Variants in TUB observed in about 807,000 individuals in gnomAD.
TUB encodes TUB bipartite transcription factor, also known as tubby protein homolog.
TUB carries 33 observed loss-of-function variants against 59.7 expected under a neutral mutation model. The ratio of observed to expected loss-of-function variants is 0.55; its 90% confidence interval spans 0.42 to 0.74. The LOEUF is 0.74. Among genes scored for constraint, TUB ranks in the 30% least tolerant of loss-of-function variants. TUB has a pLI of 0.00. For missense variants in TUB, 659 were observed against 672.0 expected, an observed-to-expected ratio of 0.98 and a Z score of 0.21; for synonymous variants, 293 against 256.4, an observed-to-expected ratio of 1.14 and a Z score of -1.36.
intron 2 of TUB, 119 bp from the exon 3 acceptor site, chr11:8,089,950 G>T: frequency 7.2e-7 from 1 of 1,379,970 alleles, no homozygotes. Context: ...TGGACCCCAA[G>T]TGTTGGGGTG....
At chr11:8,092,467 G>A (rs755462583) in intron 3 of TUB, among the ~76,000 whole-genome samples, 6 of 152,252 alleles carry the variant, frequency 3.9e-5, no homozygotes, top group African/African-American at 1.4e-4. Flanking sequence ...TGTGACTGGG[G>A]CAAGCCATTT....
At chr11:8,055,760 C>T (rs759574098) in intron 2 of TUB, among the ~76,000 whole-genome samples, 1 of 152,232 alleles carries the variant, frequency 6.6e-6, no homozygotes, top group Non-Finnish European at 1.5e-5. Flanking sequence ...GCCTCTGCCA[C>T]CGCCTCAGTC....
intron 2 of TUB, 109 bp downstream of exon 2, chr11:8,089,770 T>C: frequency 7.0e-7 from 1 of 1,420,664 alleles, no homozygotes; most frequent in Non-Finnish European, 9.9e-7. Context: ...GATTGGGGGA[T>C]GGGATTCCCA....
chr11:8,052,008 G>T (rs188799572), intron 2 of TUB, among the ~76,000 whole-genome samples: 95 of 152,268 alleles, frequency 6.2e-4, no homozygotes, highest in African/African-American at 2.2e-3. Flanking sequence ...TACTATTTCT[G>T]TACTGCATTG....
Position 8,046,852 on chromosome 11 carries a change from G to A in TUB, c.203+7160G>A, listed in dbSNP as rs560482250. Reference sequence around the variant, plus strand: ...TTTTTGGCTTCCTTGGGCCACATTGGAAGAAGAAAAATTGTCTTGGGCCAC... The same window carrying A: ...TTTTTGGCTTCCTTGGGCCACATTGAAAGAAGAAAAATTGTCTTGGGCCAC... On this transcript the variant is annotated intron_variant, in intron 2 of 12. Coordinates refer to the TUB transcript ENST00000305253. 2.6e-3 allele frequency among the ~76,000 whole-genome samples: 400 copies of A among 152,282 alleles called. 3 individuals carry two copies. Among genetic ancestry groups the A allele is most frequent in the Non-Finnish European group, 4.4e-3 (296 of 68,032 alleles).
intron 2 of TUB, among the ~76,000 whole-genome samples, chr11:8,059,509 C>G (rs559392987): frequency 6.6e-6 from 1 of 151,946 alleles, no homozygotes. Context: ...GGGTGGTGCC[C>G]GGGAGTATGC....
At chr11:8,081,090 C>T (rs1266463544), upstream of TUB, among the ~76,000 whole-genome samples, 1 of 132,272 alleles carries the variant, frequency 7.6e-6, no homozygotes, top group African/African-American at 2.8e-5. Context: ...TGGATCGCGA[C>T]GATTTCGGGG....
intron 1 of TUB, among the ~76,000 whole-genome samples, chr11:8,024,941 G>A (rs1942480275): frequency 6.6e-6 from 1 of 152,204 alleles, no homozygotes; most frequent in African/African-American, 2.4e-5. Context: ...TTAAATTATT[G>A]CTTATATGGC....
chr11:8,101,612 G>A lies in TUB; in HGVS notation c.1514G>A (p.Cys505Tyr). 1 of 1,614,222 alleles carries A rather than the reference G, an allele frequency of 6.2e-7. No individual in the cohort carries two copies. Among genetic ancestry groups the A allele is most frequent in the Non-Finnish European group, 8.5e-7 (1 of 1,180,022 alleles). ...ALSSFDSKLA[C>Y]E ...TCCAGCTTCGACAGCAAGCTGGCGT[G>A]CGAGTAGAGGCCTCTTCGTGCCCTT... Residue 505 changes from cysteine (C) to tyrosine (Y), a missense_variant, in exon 12 of 12, where the codon TGC becomes TAC. Cys to Tyr is a radical substitution (Grantham distance 194). Transcript: ENST00000299506.
intron 2 of TUB, among the ~76,000 whole-genome samples, chr11:8,074,833 G>C (rs573949701): frequency 4.2e-4 from 53 of 125,158 alleles, no homozygotes; most frequent in Admixed American, 1.3e-3. Flanking sequence ...TACAACCTCC[G>C]CCTCCCGGGT....
intron 2 of TUB, among the ~76,000 whole-genome samples, chr11:8,071,835 A>G (rs1349640941): frequency 6.6e-6 from 1 of 152,236 alleles, no homozygotes; most frequent in Non-Finnish European, 1.5e-5. Context: ...CCACTGGGGA[A>G]GAGAGACCTC....
Position 8,101,739 on chromosome 11 carries a change from C to T in TUB, c.*120C>T, listed in dbSNP as rs1218093426. ...TTCCGCCAGATGAAGCTTTGGCCCT[C>T]AGTGGGCTCCCTGGCCCAGCCAGCC... On this transcript the variant is annotated 3_prime_UTR_variant, in exon 12 of 12. Coordinates refer to ENST00000299506, the MANE Select transcript of TUB (RefSeq NM_177972.3). The T allele has an allele frequency of 6.9e-7, 1 of 1,451,482 alleles. No individual in the cohort carries two copies. The allele number at this position is 1,451,482 out of a possible 1,614,324, so 89.9% of individuals were successfully genotyped here.
intron 9 of TUB, 87 bp from the exon 10 acceptor site, chr11:8,100,416 G>C: frequency 9.7e-7 from 1 of 1,027,062 alleles, no homozygotes; most frequent in Non-Finnish European, 1.5e-6. Flanking sequence ...GTGGGAACTA[G>C]CTCTTCCTCT....
chr11:8,090,703 C>T (rs1943755177), intron 3 of TUB, among the ~76,000 whole-genome samples: 1 of 152,196 alleles, frequency 6.6e-6, no homozygotes, highest in Non-Finnish European at 1.5e-5. Context: ...CTCTCTCTGG[C>T]TCACAACTCC....
At chr11:8,083,570 G>A (rs927414332) in intron 1 of TUB, among the ~76,000 whole-genome samples, 5 of 152,098 alleles carry the variant, frequency 3.3e-5, no homozygotes, top group Non-Finnish European at 7.4e-5. Context: ...GAGTGATTTG[G>A]CACTTGCCTC....
rs544527466 is a variant in TUB, at chr11:8,095,777, T to C, written c.565+112T>C. Reference sequence around the variant, plus strand: ...TGTCCAAACCCCTCCCTGGCAATGGTGGGTGAGGGTGGGGCACACTTCGGA... The same window carrying C: ...TGTCCAAACCCCTCCCTGGCAATGGCGGGTGAGGGTGGGGCACACTTCGGA... On this transcript the variant is annotated intron_variant, in intron 5 of 11. Transcript: ENST00000299506. 234 of 1,167,448 alleles carry C rather than the reference T, an allele frequency of 2.0e-4. 1 individual carries two copies. The African/African-American group carries it at 3.2e-3, about 16-fold the overall frequency. The allele number at this position is 1,167,448 out of a possible 1,614,324, so 72.3% of individuals were successfully genotyped here. A position where few individuals can be genotyped will look rare whatever the true frequency, so the allele number is the denominator to read the frequency against.
chr11:8,058,888 C>A (rs558540508), intron 2 of TUB, among the ~76,000 whole-genome samples: 3 of 152,178 alleles, frequency 2.0e-5, no homozygotes, highest in Admixed American at 6.5e-5. Flanking sequence ...TTGGATATTT[C>A]ATTAGTATTT....
chr11:8,072,385 T>G (rs1943376241), intron 2 of TUB, among the ~76,000 whole-genome samples: 1 of 152,206 alleles, frequency 6.6e-6, no homozygotes, highest in African/African-American at 2.4e-5. Flanking sequence ...CACCCTCATC[T>G]GCGGTGGGCG....
At chr11:8,019,443 C>G (rs1942385319) in intron 1 of TUB, 1 of 1,208,620 alleles carries the variant, frequency 8.3e-7, no homozygotes, top group South Asian at 4.2e-5. Context: ...GGGGCTAGGA[C>G]TGGCGCGAGC....
Sources: gnomAD v4.1 joint callset for allele counts (sites outside exome capture counted in the v4.1 genomes callset) on GRCh38, gnomAD v4.1.1 for gene constraint, MANE v1.5 for transcripts, NCBI Gene and HGNC (gene_info 2026-07-23, HGNC 2026-07-21) for gene names.